MAGI2: variants seen among roughly 807,000 people sequenced by gnomAD.
MAGI2 encodes the protein membrane-associated guanylate kinase, WW and PDZ domain-containing protein 2.
Under a neutral mutation model 133.3 loss-of-function variants are expected in MAGI2, and 35 were observed. The ratio of observed to expected loss-of-function variants is 0.26; its 90% CI spans 0.20 to 0.35. The LOEUF (loss-of-function observed/expected upper bound fraction) is 0.35, where lower values mean the gene tolerates loss of function less well. Among genes scored for constraint, MAGI2 ranks in the 10% least tolerant of loss-of-function variants. MAGI2 has a pLI of 1.00. For synonymous variants in MAGI2, 729 were observed against 710.6 expected (o/e 1.03, Z -0.41); for missense variants, 1,636 against 1,863.4 (o/e 0.88, Z 2.25).
chr7:79,002,523 T>C (rs1806973694), intron 2 of MAGI2, among the ~76,000 whole-genome samples: 1 of 152,160 alleles, frequency 6.6e-6, no homozygotes, highest in Non-Finnish European at 1.5e-5. Context: ...TCTTCTTTTT[T>C]AGTAGCTATA....
intron 2 of MAGI2, among the ~76,000 whole-genome samples, chr7:78,876,558 T>C (rs1356241544): frequency 6.6e-6 from 1 of 151,986 alleles, no homozygotes; most frequent in African/African-American, 2.4e-5. Flanking sequence ...CCAAGTTATA[T>C]TGTAACCACC....
At chr7:78,700,029 C>T (rs1817906437) in intron 2 of MAGI2, among the ~76,000 whole-genome samples, 2 of 152,062 alleles carry the variant, frequency 1.3e-5, no homozygotes, top group South Asian at 4.2e-4. Context: ...TCACTTGGAC[C>T]TAAAATTATT....
intron 2 of MAGI2, among the ~76,000 whole-genome samples, chr7:78,764,961 C>T (rs985768263): frequency 5.3e-5 from 8 of 152,056 alleles, no homozygotes; most frequent in African/African-American, 1.9e-4. Context: ...CCTAGAAGGG[C>T]CTGGATGCAA....
chr7:78,592,242 A>T (rs1804082914), intron 3 of MAGI2, among the ~76,000 whole-genome samples: 1 of 152,208 alleles, frequency 6.6e-6, no homozygotes, highest in Non-Finnish European at 1.5e-5. Flanking sequence ...TTTAAAAAGT[A>T]TTCTCTATAT....
intron 1 of MAGI2, among the ~76,000 whole-genome samples, chr7:79,109,549 G>T (rs1444936850): frequency 6.6e-6 from 1 of 152,200 alleles, no homozygotes; most frequent in African/African-American, 2.4e-5. Context: ...TTCGATACAG[G>T]AGCAAATATA....
rs564352877 is a variant in MAGI2 at position 78,167,814 on chromosome 7, T to C, written c.2596+102A>G. Reference sequence around the variant, plus strand: ...AGGTTGTTTCCTTCCTCATATAATGTAGAAATGGATTTAAAATTTTGTTTC... The same window carrying C: ...AGGTTGTTTCCTTCCTCATATAATGCAGAAATGGATTTAAAATTTTGTTTC... On this transcript the variant is annotated intron_variant, in intron 15 of 21. Transcript: ENST00000354212. 28 of 1,062,572 alleles carry C rather than the reference T, an allele frequency of 2.6e-5. No homozygotes were observed. The African/African-American group carries it at 3.4e-4, about 13-fold the overall frequency. The allele number at this position is 1,062,572 out of a possible 1,614,324, so 65.8% of individuals were successfully genotyped here.
intron 6 of MAGI2, among the ~76,000 whole-genome samples, chr7:78,386,135 T>TA (rs2151303416): frequency 6.6e-6 from 1 of 152,202 alleles, no homozygotes; most frequent in Non-Finnish European, 1.5e-5. Flanking sequence ...ACATCAGGAA[T>TA]AAAAAATGTA....
At chr7:78,615,009 C>G (rs1806922810) in intron 3 of MAGI2, 1 of 152,160 alleles carries the variant, frequency 6.6e-6, no homozygotes, top group South Asian at 2.1e-4. Context: ...TAAGCACTTC[C>G]ACTGTAAGAA....
At chr7:78,391,219 T>C (rs1326247958) in intron 6 of MAGI2, among the ~76,000 whole-genome samples, 1 of 152,212 alleles carries the variant, frequency 6.6e-6, no homozygotes, top group Non-Finnish European at 1.5e-5. Flanking sequence ...TTCCTTGTAC[T>C]ACAGATATAG....
At chr7:78,658,829 C>A (rs1812592429) in intron 2 of MAGI2, among the ~76,000 whole-genome samples, 1 of 152,124 alleles carries the variant, frequency 6.6e-6, no homozygotes, top group South Asian at 2.1e-4. Context: ...TGTGGAGAAC[C>A]TGGATCACTC....
At chr7:78,319,641 A>G (rs1029773199) in intron 9 of MAGI2, among the ~76,000 whole-genome samples, 1 of 152,230 alleles carries the variant, frequency 6.6e-6, no homozygotes, top group Non-Finnish European at 1.5e-5. Context: ...TGTAGAGGGA[A>G]ATTTATAGCA....
intron 1 of MAGI2, among the ~76,000 whole-genome samples, chr7:79,440,111 G>C (rs1848399923): frequency 1.3e-5 from 2 of 151,494 alleles, no homozygotes; most frequent in South Asian, 4.2e-4. Context: ...TTCAGTCTTA[G>C]TTTCCTTCCT....
At chr7:78,151,768 A>T (rs1239725253) in intron 16 of MAGI2, among the ~76,000 whole-genome samples, 1 of 152,132 alleles carries the variant, frequency 6.6e-6, no homozygotes, top group African/African-American at 2.4e-5. Context: ...CCCCTAAGTG[A>T]TCCTCTACTG....
chr7:78,434,851 A>G (rs1800129023), intron 6 of MAGI2, among the ~76,000 whole-genome samples: 1 of 152,154 alleles, frequency 6.6e-6, no homozygotes, highest in South Asian at 2.1e-4. Flanking sequence ...GCAAAATGAA[A>G]ATGCAAGGCT....
chr7:78,086,428 G>C (rs574232903), intron 20 of MAGI2, among the ~76,000 whole-genome samples: 1 of 150,944 alleles, frequency 6.6e-6, no homozygotes, highest in Non-Finnish European at 1.5e-5. Context: ...CAGTAGAGAG[G>C]GTTTTACCAT....
chr7:78,701,760 T>A (rs1233978948), intron 2 of MAGI2, among the ~76,000 whole-genome samples: 1 of 151,998 alleles, frequency 6.6e-6, no homozygotes, highest in Non-Finnish European at 1.5e-5. Context: ...CAAACAGCTA[T>A]ACTTGTTTAT....
At chr7:79,420,303 G>T (rs2129178985) in intron 1 of MAGI2, among the ~76,000 whole-genome samples, 1 of 152,082 alleles carries the variant, frequency 6.6e-6, no homozygotes, top group South Asian at 2.1e-4. Flanking sequence ...AAACTAGATG[G>T]ATATTGCTGA....
At chr7:78,974,194 G>A (rs538431202) in intron 2 of MAGI2, among the ~76,000 whole-genome samples, 165 of 150,080 alleles carry the variant, frequency 1.1e-3, no homozygotes, top group African/African-American at 3.7e-3. Context: ...GTATTTTCTA[G>A]AGAAAAAAAA....
At chr7:78,243,211 C>T (rs910685675) in intron 10 of MAGI2, among the ~76,000 whole-genome samples, 3 of 150,206 alleles carry the variant, frequency 2.0e-5, no homozygotes, top group Admixed American at 6.7e-5. Flanking sequence ...AACCTACCCT[C>T]AAATGGTTCA....
Sources: gnomAD v4.1 joint callset for allele counts (sites outside exome capture counted in the v4.1 genomes callset) on GRCh38, gnomAD v4.1.1 for gene constraint, MANE v1.5 for transcripts, NCBI Gene and HGNC (gene_info 2026-07-23, HGNC 2026-07-21) for gene names.